The following CREB5 variants were observed in gnomAD, a reference collection of about 807,000 sequenced individuals.
The protein encoded by CREB5 is cAMP responsive element binding protein 5.
In CREB5, 19 loss-of-function variants were observed where a neutral mutation model predicts 57.1. That is an observed-to-expected ratio of 0.33 (90% CI 0.23 to 0.49). CREB5 has a LOEUF of 0.49. Ranked by LOEUF, CREB5 falls within the 20% of genes least tolerant of loss-of-function variation. The pLI is 0.99. For synonymous variants in CREB5, 238 were observed against 238.3 expected, an observed-to-expected ratio of 1.00 and a Z score of 0.01; for missense variants, 579 against 671.6, an observed-to-expected ratio of 0.86 and a Z score of 1.52.
intron 1 of CREB5, among the ~76,000 whole-genome samples, chr7:28,442,503 TTTG>T (rs891923565): frequency 6.6e-6 from 1 of 151,898 alleles, no homozygotes; most frequent in African/African-American, 2.4e-5. Context: ...GGTAGTTTTT[TTTG>T]TTTGTTTTTT....
intron 4 of CREB5, among the ~76,000 whole-genome samples, chr7:28,560,107 T>C (rs1261255230): frequency 6.6e-6 from 1 of 152,228 alleles, no homozygotes; most frequent in Non-Finnish European, 1.5e-5. Flanking sequence ...ATCTTTACTT[T>C]GTAGGTCAAA....
intron 3 of CREB5, among the ~76,000 whole-genome samples, chr7:28,504,761 A>T (rs1483135830): frequency 6.6e-6 from 1 of 152,198 alleles, no homozygotes; most frequent in African/African-American, 2.4e-5. Context: ...GGCAAGTGCG[A>T]GTAGGAACTG....
intron 1 of CREB5, among the ~76,000 whole-genome samples, chr7:28,356,412 C>T (rs767836497): frequency 1.2e-4 from 19 of 152,164 alleles, no homozygotes; most frequent in Admixed American, 2.6e-4. Flanking sequence ...ATTTTTACAA[C>T]GTCGTTTTAG....
chr7:28,597,472 G>C (rs1466654917), intron 5 of CREB5, among the ~76,000 whole-genome samples: 1 of 152,170 alleles, frequency 6.6e-6, no homozygotes, highest in Non-Finnish European at 1.5e-5. Flanking sequence ...CAGTGCCCTT[G>C]GGGAATGTTT....
At chr7:28,599,203 A>C (rs1796811752) in intron 5 of CREB5, among the ~76,000 whole-genome samples, 2 of 152,096 alleles carry the variant, frequency 1.3e-5, no homozygotes. Flanking sequence ...GTTTAAGTTG[A>C]TTTGACATAT....
At chr7:28,787,323 AT>A (rs1422571092) in intron 7 of CREB5, among the ~76,000 whole-genome samples, 9 of 152,118 alleles carry the variant, frequency 5.9e-5, no homozygotes, top group Non-Finnish European at 1.3e-4. Flanking sequence ...CTTGTTTCTT[AT>A]TTAGTATTCT....
chr7:28,377,157 C>T (rs1204240256), intron 1 of CREB5, among the ~76,000 whole-genome samples: 2 of 152,270 alleles, frequency 1.3e-5, no homozygotes, highest in East Asian at 1.9e-4. Context: ...CCCTTCCTAA[C>T]ATATAGGAAT....
intron 4 of CREB5, among the ~76,000 whole-genome samples, chr7:28,537,165 A>AT (rs1450838553): frequency 6.6e-6 from 1 of 152,150 alleles, no homozygotes; most frequent in Non-Finnish European, 1.5e-5. Flanking sequence ...GTCCAGTCAG[A>AT]TTTTTTCTAA....
At chr7:28,662,281 C>T (rs1165340137) in intron 5 of CREB5, among the ~76,000 whole-genome samples, 1 of 152,174 alleles carries the variant, frequency 6.6e-6, no homozygotes, top group Non-Finnish European at 1.5e-5. Context: ...TTGGACAAGA[C>T]GTTGAAGGGG....
At chr7:28,424,102 T>C (rs1290459137) in intron 1 of CREB5, among the ~76,000 whole-genome samples, 3 of 152,216 alleles carry the variant, frequency 2.0e-5, no homozygotes, top group Non-Finnish European at 4.4e-5. Context: ...CTTCACATGG[T>C]CTTCCCTTCG....
intron 5 of CREB5, among the ~76,000 whole-genome samples, chr7:28,667,814 C>T (rs947063069): frequency 1.3e-5 from 2 of 151,862 alleles, no homozygotes; most frequent in African/African-American, 4.8e-5. Flanking sequence ...CGAAATTAGT[C>T]CACATTTATA....
At chr7:28,411,191 C>G (rs1325097429), upstream of CREB5, among the ~76,000 whole-genome samples, 1 of 152,202 alleles carries the variant, frequency 6.6e-6, no homozygotes. Flanking sequence ...TATGATAATA[C>G]TCTGTCCTCG....
intron 4 of CREB5, among the ~76,000 whole-genome samples, chr7:28,523,897 C>T (rs932799372): frequency 5.9e-5 from 9 of 152,174 alleles, no homozygotes; most frequent in African/African-American, 2.2e-4. Flanking sequence ...CACCTCCTAC[C>T]TTGTGTTTTG....
chr7:28,718,953 A>G, intron 6 of CREB5, 74 bp downstream of exon 6: 2 of 1,599,928 alleles, frequency 1.3e-6, no homozygotes, highest in Non-Finnish European at 1.7e-6. Context: ...GGGCAAAGGA[A>G]ACTCTGAGAT....
chr7:28,419,385 T>G (rs1788148349), intron 1 of CREB5, among the ~76,000 whole-genome samples: 1 of 152,250 alleles, frequency 6.6e-6, no homozygotes, highest in Non-Finnish European at 1.5e-5. Context: ...ATTTGGTTTT[T>G]GTTTTCTCCT....
intron 5 of CREB5, among the ~76,000 whole-genome samples, chr7:28,637,374 G>A (rs1278674084): frequency 6.6e-6 from 1 of 152,092 alleles, no homozygotes; most frequent in African/African-American, 2.4e-5. Context: ...TTATGTAGAA[G>A]TCAACATAAA....
At chr7:28,697,655 A>T (rs1215826098) in intron 5 of CREB5, among the ~76,000 whole-genome samples, 1 of 152,164 alleles carries the variant, frequency 6.6e-6, no homozygotes, top group Non-Finnish European at 1.5e-5. Flanking sequence ...ATTTCCATGG[A>T]TTCTGAGCTA....
At chr7:28,326,166 T>TATCTATCC (rs1554302720) in intron 1 of CREB5, among the ~76,000 whole-genome samples, 15 of 91,232 alleles carry the variant, frequency 1.6e-4, no homozygotes, top group African/African-American at 4.1e-4. Context: ...TCTATCTATC[T>TATCTATCC]ATCTATCTAT....
rs1809792294 is a variant in CREB5, at chr7:28,821,933, G to A, written c.*2654G>A. On this transcript the variant is annotated 3_prime_UTR_variant, in exon 11 of 11. Transcript: ENST00000357727. ...AGTAATATCAGAATGTCCAGGGAGT[G>A]ACTGTCACTACAATGATGGTTTAGT... The A allele has an allele frequency of 6.6e-6, 1 of 152,642 alleles. No homozygotes were observed. The highest frequency in any genetic ancestry group is 2.1e-4 in the South Asian group (1 of 4,832). 9.5% of individuals were successfully genotyped at this position (152,642 alleles called of 1,614,324 possible).
Sources: gnomAD v4.1 joint callset for allele counts (sites outside exome capture counted in the v4.1 genomes callset) on GRCh38, gnomAD v4.1.1 for gene constraint, MANE v1.5 for transcripts, NCBI Gene and HGNC (gene_info 2026-07-23, HGNC 2026-07-21) for gene names.